PLCG2: variants seen among roughly 807,000 people sequenced by gnomAD.
The protein encoded by PLCG2 is phospholipase C gamma 2.
PLCG2 carries 69 observed loss-of-function variants against 175.6 expected under a neutral mutation model. The ratio of observed to expected loss-of-function variants is 0.39; its 90% CI spans 0.32 to 0.48. The LOEUF (loss-of-function observed/expected upper bound fraction) is 0.48. PLCG2 is among the 20% of genes least tolerant of loss of function. The pLI, the probability that PLCG2 is intolerant of heterozygous loss-of-function variation, is 0.91. For missense variants in PLCG2, 1,798 were observed against 1,650.9 expected (o/e 1.09, Z -1.54); for synonymous variants, 827 against 624.0 (o/e 1.33, Z -4.85).
intron 22 of PLCG2, among the ~76,000 whole-genome samples, chr16:81,925,141 C>G (rs547761833): frequency 6.6e-6 from 1 of 152,196 alleles, no homozygotes; most frequent in Non-Finnish European, 1.5e-5. Flanking sequence ...CTCTGAATTT[C>G]GAAGGCTCTT....
In PLCG2 at chr16:81,957,953, C is replaced by T. The variant is rs377088921; in HGVS notation, c.3756-3C>T. On this transcript the variant is annotated splice_region_variant and splice_polypyrimidine_tract_variant and intron_variant, in intron 32 of 32. Coordinates refer to ENST00000564138, the MANE Select transcript of PLCG2 (RefSeq NM_002661.5). Reference sequence around the variant, plus strand: ...GCTGATGGTGAAATCTGTTTTATTTCAGGTTAAGAGAGAAGAGAGTCAGCA... The same window carrying T: ...GCTGATGGTGAAATCTGTTTTATTTTAGGTTAAGAGAGAAGAGAGTCAGCA... 1.2e-6 allele frequency: 2 copies of T among 1,613,250 alleles called. No individual in the cohort carries two copies. Among genetic ancestry groups the T allele is most frequent in the African/African-American group, 1.3e-5 (1 of 74,882 alleles).
intron 1 of PLCG2, among the ~76,000 whole-genome samples, chr16:81,746,097 T>C (rs940085733): frequency 6.6e-6 from 1 of 152,150 alleles, no homozygotes; most frequent in Non-Finnish European, 1.5e-5. Flanking sequence ...GGCAAGAGGA[T>C]GCCATAGTCG....
At chr16:81,804,355 C>G (rs1194044534) in intron 2 of PLCG2, among the ~76,000 whole-genome samples, 1 of 152,182 alleles carries the variant, frequency 6.6e-6, no homozygotes, top group Non-Finnish European at 1.5e-5. Flanking sequence ...CATTGGCTTT[C>G]TGTAGACAGT....
At chr16:81,871,837 C>A (rs1907531873) in intron 7 of PLCG2, among the ~76,000 whole-genome samples, 1 of 127,158 alleles carries the variant, frequency 7.9e-6, no homozygotes, top group Non-Finnish European at 1.8e-5. Flanking sequence ...GGCAAAGTAC[C>A]TGGGCACCAT....
chr16:81,912,822 C>G (rs1326049554), intron 19 of PLCG2, 106 bp downstream of exon 19: 1 of 1,302,176 alleles, frequency 7.7e-7, no homozygotes, highest in Non-Finnish European at 1.0e-6. Flanking sequence ...CAGTGCCCTG[C>G]CCCCCCAGCA....
intron 2 of PLCG2, among the ~76,000 whole-genome samples, chr16:81,835,423 C>T (rs762539368): frequency 7.9e-4 from 120 of 151,742 alleles, no homozygotes; most frequent in Non-Finnish European, 1.3e-3. Context: ...TGGCGAAACC[C>T]CATCTCTACC....
intron 2 of PLCG2, among the ~76,000 whole-genome samples, chr16:81,804,945 G>C (rs1477578580): frequency 6.6e-6 from 1 of 152,168 alleles, no homozygotes. Flanking sequence ...TCATGTGTAT[G>C]GGTATTTATT....
chr16:81,880,201 A>C (rs1276130332), intron 7 of PLCG2, among the ~76,000 whole-genome samples: 5 of 152,194 alleles, frequency 3.3e-5, no homozygotes, highest in Non-Finnish European at 7.3e-5. Context: ...TGGTCGTGCC[A>C]CTGCACTCCA....
chr16:81,891,328 C>G, intron 10 of PLCG2, 144 bp from the exon 11 acceptor site: 1 of 644,300 alleles, frequency 1.6e-6, no homozygotes, highest in Non-Finnish European at 2.9e-6. Flanking sequence ...GTATTGAAAA[C>G]GTGGGTAACT....
chr16:81,884,002 G>A (rs936639517), intron 9 of PLCG2, among the ~76,000 whole-genome samples: 2 of 152,214 alleles, frequency 1.3e-5, no homozygotes, highest in African/African-American at 2.4e-5. Context: ...TCAACACCAG[G>A]GATGTTCCTA....
intron 2 of PLCG2, among the ~76,000 whole-genome samples, chr16:81,763,815 A>G (rs1910089126): frequency 6.6e-6 from 1 of 151,258 alleles, no homozygotes; most frequent in South Asian, 2.1e-4. Context: ...AAAAATAGAA[A>G]AATTAGCTGG....
At chr16:81,805,308 A>G (rs573924134) in intron 2 of PLCG2, among the ~76,000 whole-genome samples, 24 of 152,132 alleles carry the variant, frequency 1.6e-4, no homozygotes, top group Non-Finnish European at 2.1e-4. Context: ...GACCATCCTG[A>G]CTAACACGGT....
At chr16:81,750,832 C>T (rs1909797377) in intron 1 of PLCG2, among the ~76,000 whole-genome samples, 1 of 151,012 alleles carries the variant, frequency 6.6e-6, no homozygotes, top group Non-Finnish European at 1.5e-5. Flanking sequence ...CACACCTGCA[C>T]CTGGCTAATT....
chr16:81,864,161 C>T (rs1411721869), intron 5 of PLCG2, among the ~76,000 whole-genome samples: 3 of 152,120 alleles, frequency 2.0e-5, no homozygotes, highest in Non-Finnish European at 4.4e-5. Flanking sequence ...GGCTGCTGGG[C>T]TCCATCTCAC....
chr16:81,928,470 T>A, intron 23 of PLCG2, 88 bp from the exon 24 acceptor site: 1 of 829,038 alleles, frequency 1.2e-6, no homozygotes, highest in South Asian at 1.4e-5. Context: ...ACAGGCAGTA[T>A]CTCTGCTAAA....
intron 26 of PLCG2, chr16:81,935,713 C>G (rs1458493424): frequency 5.1e-6 from 5 of 985,302 alleles, no homozygotes; most frequent in Non-Finnish European, 6.0e-6. Context: ...CTCCTGTTCT[C>G]CCTTCCCTGC....
At chr16:81,879,438 G>A (rs1420984962) in intron 7 of PLCG2, among the ~76,000 whole-genome samples, 2 of 152,118 alleles carry the variant, frequency 1.3e-5, no homozygotes, top group Non-Finnish European at 2.9e-5. Flanking sequence ...TAACCTTTTG[G>A]TGGGACCTAC....
At chr16:81,774,913 T>G (rs1412143868), upstream of PLCG2, among the ~76,000 whole-genome samples, 1 of 151,994 alleles carries the variant, frequency 6.6e-6, no homozygotes, top group South Asian at 2.1e-4. Context: ...CTGGCTAATT[T>G]TTAAAGTTTT....
rs1436917946 is a variant in PLCG2 at position 81,910,729 on chromosome 16, C to G, written c.1934+9C>G. ...CCCCACGAGTCCAAGCCGTACGTGT[C>G]TGAGGGTGGAGCAGGAGGCAGGCGG... On this transcript the variant is annotated intron_variant, in intron 18 of 32. Coordinates refer to ENST00000564138, the MANE Select transcript of PLCG2 (RefSeq NM_002661.5). 3 of 1,605,282 alleles carry G rather than the reference C, an allele frequency of 1.9e-6. No homozygotes were observed. The highest frequency in any genetic ancestry group is 2.5e-6 in the Non-Finnish European group (3 of 1,179,460).
Sources: allele counts gnomAD v4.1 joint callset (sites outside exome capture counted in the v4.1 genomes callset), GRCh38; gene constraint gnomAD v4.1.1; transcripts MANE v1.5; gene names NCBI Gene and HGNC (gene_info 2026-07-23, HGNC 2026-07-21).